Variants in FEZ2 observed in about 807,000 individuals in gnomAD.
The protein encoded by FEZ2 is fasciculation and elongation protein zeta 2, also known as fasciculation and elongation protein zeta-2.
In FEZ2, 51 loss-of-function variants were observed where a neutral mutation model predicts 40.4. That is an observed-to-expected ratio of 1.26 (90% CI 1.01 to 1.59). The LOEUF is 1.59. Ranked by LOEUF, FEZ2 falls within the 40% of genes most tolerant of loss-of-function variation. FEZ2 has a pLI of 0.00. For missense variants in FEZ2, 640 were observed against 438.3 expected, an observed-to-expected ratio of 1.46 and a Z score of -4.11; for synonymous variants, 242 against 172.0, an observed-to-expected ratio of 1.41 and a Z score of -3.18.
At chr2:36,588,317 C>T (rs943898359) in intron 2 of FEZ2, among the ~76,000 whole-genome samples, 2 of 152,104 alleles carry the variant, frequency 1.3e-5, no homozygotes, top group East Asian at 1.9e-4. Flanking sequence ...CATGAGCCAC[C>T]GCGCCCAGCC....
Position 36,578,611 on chromosome 2 carries a change from G to A in FEZ2, c.889C>T (p.His297Tyr), listed in dbSNP as rs1308544448. ...SSQNGKNERS[H>Y]MPGTYLTTVI... ...ACATCACTTACTGTGCCGGGCATAT[G>A]ACTTCTCTCATTCTTCCCATTCTGA... The change falls in exon 5 of 8, where the codon CAT becomes TAT. Residue 297 changes from histidine to tyrosine, a missense_variant. By Grantham distance (83) the His-to-Tyr change is moderately conservative (BLOSUM62 2). Transcript: ENST00000405912. 6.2e-7 allele frequency: 1 copy of A among 1,612,640 alleles called. No individual in the cohort carries two copies. The highest frequency in any genetic ancestry group is 8.5e-7 in the Non-Finnish European group (1 of 1,179,600).
chr2:36,567,791 T>G (rs1270992176), intron 5 of FEZ2, among the ~76,000 whole-genome samples: 1 of 150,224 alleles, frequency 6.7e-6, no homozygotes, highest in African/African-American at 2.4e-5. Context: ...CTCAAACCCC[T>G]AGCTAGGATA....
chr2:36,578,016 G>T (rs1343650724), intron 5 of FEZ2, among the ~76,000 whole-genome samples: 3 of 152,208 alleles, frequency 2.0e-5, no homozygotes, highest in African/African-American at 7.2e-5. Flanking sequence ...CAGCGTTTCA[G>T]ATGTTCTAAA....
intron 5 of FEZ2, chr2:36,558,833 A>G (rs762480578): frequency 2.0e-4 from 36 of 184,120 alleles, no homozygotes; most frequent in Middle Eastern, 2.2e-3. Context: ...GTGAAGTATT[A>G]TCTCACATTC....
At chr2:36,593,634 C>T (rs1669132752) in intron 1 of FEZ2, among the ~76,000 whole-genome samples, 1 of 152,056 alleles carries the variant, frequency 6.6e-6, no homozygotes, top group Non-Finnish European at 1.5e-5. Flanking sequence ...CACCAAGTCC[C>T]TAGGCCGCAT....
rs34787798 is a variant in FEZ2 at position 36,572,017 on chromosome 2, G to GAAAA, written c.903+6576_903+6579dup. Among the ~76,000 whole-genome samples the GAAAA allele has an allele frequency of 4.2e-4, 46 of 110,110 alleles. 1 individual carries two copies. The highest frequency in any genetic ancestry group is 1.3e-3 in the African/African-American group (42 of 32,112). The allele number at this position is 110,110 out of a possible 152,430, so 72.2% of individuals were successfully genotyped here. ...GCGGCTGAGTGAGACTCCGTCTCAG[G>GAAAA]AAAAAAAAAAAAAAAAAAAAAAAAA... On this transcript the variant is annotated intron_variant, in intron 5 of 7. Coordinates refer to ENST00000405912, the MANE Select transcript of FEZ2 (RefSeq NM_005102.3).
chr2:36,583,551 G>A (rs1338982118), intron 2 of FEZ2, 82 bp from the exon 3 acceptor site: 4 of 749,816 alleles, frequency 5.3e-6, no homozygotes, highest in Non-Finnish European at 7.1e-6. Context: ...AGAGGCTGCA[G>A]AGAAAAGCAA....
chr2:36,584,243 C>T (rs1436486598), intron 2 of FEZ2, among the ~76,000 whole-genome samples: 2 of 152,174 alleles, frequency 1.3e-5, no homozygotes, highest in African/African-American at 4.8e-5. Flanking sequence ...TTCACCAAAG[C>T]CATAGCTCTG....
intron 4 of FEZ2, chr2:36,579,074 C>G (rs1344851243): frequency 6.2e-6 from 3 of 487,084 alleles, no homozygotes; most frequent in Non-Finnish European, 1.1e-5. Flanking sequence ...GGTAAGTGGG[C>G]AGGTGAGTCA....
chr2:36,593,051 C>T (rs1267132452), intron 1 of FEZ2, among the ~76,000 whole-genome samples: 2 of 152,164 alleles, frequency 1.3e-5, no homozygotes, highest in Admixed American at 6.5e-5. Context: ...GGGTTTCTGG[C>T]TCATACCTTC....
chr2:36,597,624 G>C (rs979878382), intron 1 of FEZ2, among the ~76,000 whole-genome samples: 4 of 152,222 alleles, frequency 2.6e-5, no homozygotes, highest in Admixed American at 6.5e-5. Context: ...TAATACAAAC[G>C]AGGGTTTGGT....
rs1488268912 is a variant in FEZ2, at chr2:36,558,431, T to C, written c.979+7A>G. The C allele has an allele frequency of 6.7e-7, 1 of 1,497,886 alleles. No individual in the cohort carries two copies. Among genetic ancestry groups the C allele is most frequent in the African/African-American group, 1.4e-5 (1 of 71,222 alleles). The allele number at this position is 1,497,886 out of a possible 1,614,324, so 92.8% of individuals were successfully genotyped here. A position where few individuals can be genotyped will look rare whatever the true frequency, so the allele number is the denominator to read the frequency against. ...TCAGGTAATAGTTTCATTTTGTCTTTGCTCACTTTTTGTTAATATTTGAAG... is the reference window on the plus strand; with the variant it reads ...TCAGGTAATAGTTTCATTTTGTCTTCGCTCACTTTTTGTTAATATTTGAAG... On this transcript the variant is annotated splice_region_variant and intron_variant, in intron 6 of 7. Coordinates refer to ENST00000405912, the MANE Select transcript of FEZ2 (RefSeq NM_005102.3).
At chr2:36,594,654 AG>A (rs1167609608) in intron 1 of FEZ2, 1 of 153,058 alleles carries the variant, frequency 6.5e-6, no homozygotes. Context: ...ATACAATTCA[AG>A]TTGAGATTTG....
At chr2:36,554,503 CT>C (rs2125216134) in intron 7 of FEZ2, among the ~76,000 whole-genome samples, 1 of 152,194 alleles carries the variant, frequency 6.6e-6, no homozygotes, top group East Asian at 1.9e-4. Context: ...AACAATCCAG[CT>C]TTCATACCAA....
intron 5 of FEZ2, among the ~76,000 whole-genome samples, chr2:36,567,917 C>A (rs1043110369): frequency 2.0e-5 from 3 of 152,108 alleles, no homozygotes; most frequent in Non-Finnish European, 4.4e-5. Context: ...ACTGTGCATT[C>A]TGTTTTATAG....
In FEZ2 at chr2:36,597,929, G is replaced by A; in HGVS notation, c.214C>T (p.Pro72Ser). The A allele has an allele frequency of 1.4e-6, 2 of 1,436,946 alleles. No individual in the cohort carries two copies. Among genetic ancestry groups the A allele is most frequent in the African/African-American group, 1.5e-5 (1 of 67,376 alleles). 89.0% of individuals were successfully genotyped at this position (1,436,946 alleles called of 1,614,324 possible). Residue 72 changes from proline (P) to serine (S), a missense_variant, in exon 1 of 8, where the codon CCG (proline) becomes TCG (serine). By Grantham distance (74) the Pro-to-Ser change is moderately conservative. Transcript: ENST00000405912. ...FRPSDPGAEP[P>S]RTAVRPITER... is the part of the protein sequence containing the mutation. Reference sequence around the variant, plus strand: ...GTGATGGGCCGCACGGCCGTCCTCGGGGGCTCGGCGCCCGGATCCGAGGGG... The same window carrying A: ...GTGATGGGCCGCACGGCCGTCCTCGAGGGCTCGGCGCCCGGATCCGAGGGG...
chr2:36,577,745 TCTG>T (rs1668616537), intron 5 of FEZ2, among the ~76,000 whole-genome samples: 1 of 152,250 alleles, frequency 6.6e-6, no homozygotes. Flanking sequence ...GATCTATTTC[TCTG>T]CTAAGTATTC....
At chr2:36,576,310 C>T (rs1668566288) in intron 5 of FEZ2, among the ~76,000 whole-genome samples, 1 of 151,680 alleles carries the variant, frequency 6.6e-6, no homozygotes, top group Non-Finnish European at 1.5e-5. Flanking sequence ...CGTTCTGTTG[C>T]CCGGGCTGGA....
chr2:36,596,942 A>G (rs2148355504), intron 1 of FEZ2, among the ~76,000 whole-genome samples: 1 of 152,318 alleles, frequency 6.6e-6, no homozygotes, highest in East Asian at 1.9e-4. Flanking sequence ...CAGGTGGTTT[A>G]AAAAGTGCCC....
Sources: gnomAD v4.1 joint callset for allele counts (sites outside exome capture counted in the v4.1 genomes callset) on GRCh38, gnomAD v4.1.1 for gene constraint, MANE v1.5 for transcripts, NCBI Gene and HGNC (gene_info 2026-07-23, HGNC 2026-07-21) for gene names.